Variants in OXCT1 observed in about 807,000 individuals in gnomAD.
The protein encoded by OXCT1 is succinyl-CoA:3-ketoacid coenzyme A transferase 1, mitochondrial.
Under a neutral mutation model 69.6 loss-of-function variants are expected in OXCT1, and 27 were observed. That is an observed-to-expected ratio of 0.39 (90% CI 0.29 to 0.54). The LOEUF is 0.54. Ranked by LOEUF, OXCT1 falls within the 20% of genes least tolerant of loss-of-function variation. OXCT1 has a pLI of 0.72. For missense variants in OXCT1, 437 were observed against 650.2 expected (o/e 0.67, Z 3.57); for synonymous variants, 202 against 217.8 (o/e 0.93, Z 0.64).
rs868645167 is a variant in OXCT1, at chr5:41,741,671, G to A, written c.1420-2180C>T. 7.8e-4 allele frequency among the ~76,000 whole-genome samples: 119 copies of A among 152,270 alleles called. 2 individuals carry two copies. The highest frequency in any genetic ancestry group is 1.9e-3 in the African/African-American group (79 of 41,558). The stretch of plus-strand genomic sequence containing the variant: ...TTTCCCCAGAAACACACATCGCTGG[G>A]ACCAGTGATAACTGCATTATTGGTT... On this transcript the variant is annotated intron_variant, in intron 15 of 16. Transcript: ENST00000196371.
At chr5:41,766,568 CA>C (rs35725846) in intron 13 of OXCT1, among the ~76,000 whole-genome samples, 3,532 of 119,952 alleles carry the variant, frequency 0.029, 108 homozygotes, top group African/African-American at 0.091. Context: ...CATTGTACTC[CA>C]AAAAAAAAAA....
chr5:41,822,942 G>A (rs942632446), intron 7 of OXCT1, among the ~76,000 whole-genome samples: 2 of 151,968 alleles, frequency 1.3e-5, no homozygotes, highest in African/African-American at 2.4e-5. Flanking sequence ...TTATTTAGTC[G>A]GATTAATATC....
intron 13 of OXCT1, among the ~76,000 whole-genome samples, chr5:41,766,777 A>G (rs1018605405): frequency 6.6e-6 from 1 of 152,154 alleles, no homozygotes; most frequent in Non-Finnish European, 1.5e-5. Context: ...TCATTTCCAG[A>G]TGTTACCTCT....
At chr5:41,769,292 A>G (rs1744767296) in intron 13 of OXCT1, among the ~76,000 whole-genome samples, 1 of 152,084 alleles carries the variant, frequency 6.6e-6, no homozygotes, top group Non-Finnish European at 1.5e-5. Flanking sequence ...AAAATTTAAT[A>G]ATTAAAAACA....
chr5:41,865,282 ATT>A (rs1000928033), intron 1 of OXCT1, among the ~76,000 whole-genome samples: 1 of 152,110 alleles, frequency 6.6e-6, no homozygotes, highest in Non-Finnish European at 1.5e-5. Flanking sequence ...CAAGAATTCT[ATT>A]TTTTTGTTTC....
At chr5:41,816,042 C>T (rs1747226649) in intron 7 of OXCT1, among the ~76,000 whole-genome samples, 1 of 152,156 alleles carries the variant, frequency 6.6e-6, no homozygotes, top group African/African-American at 2.4e-5. Context: ...ATTTCCAGAA[C>T]ACAGTTAATG....
At chr5:41,807,907 T>C (rs2112281216) in intron 7 of OXCT1, among the ~76,000 whole-genome samples, 1 of 152,204 alleles carries the variant, frequency 6.6e-6, no homozygotes, top group East Asian at 1.9e-4. Context: ...ACAAATGCTA[T>C]TTGTAACAGT....
chr5:41,868,732 AAAAC>A (rs1261406786), intron 1 of OXCT1, among the ~76,000 whole-genome samples: 1 of 152,118 alleles, frequency 6.6e-6, no homozygotes, highest in African/African-American at 2.4e-5. Context: ...CAAAAAAAAA[AAAAC>A]AATAAGGGCA....
intron 13 of OXCT1, among the ~76,000 whole-genome samples, chr5:41,789,953 C>T (rs1745833251): frequency 6.6e-6 from 1 of 152,142 alleles, no homozygotes; most frequent in Non-Finnish European, 1.5e-5. Context: ...AGAACCCAAT[C>T]AATTTTATGT....
At position 41,753,308 on chromosome 5, in the gene OXCT1, T is replaced by C. The variant is rs797000022; in HGVS notation, c.1339-3701A>G. On this transcript the variant is annotated intron_variant, in intron 14 of 16. Coordinates refer to ENST00000196371, the MANE Select transcript of OXCT1 (RefSeq NM_000436.4). ...ACACACATAGACACACACACACACA[T>C]AGACACACACACACACACACACACA... 4.1e-3 allele frequency among the ~76,000 whole-genome samples: 371 copies of C among 91,436 alleles called. 1 individual carries two copies. The highest frequency in any genetic ancestry group is 0.013 in the African/African-American group (309 of 23,604). The allele number at this position is 91,436 out of a possible 152,430, so 60.0% of individuals were successfully genotyped here.
At chr5:41,845,648 G>A (rs1748860440) in intron 5 of OXCT1, among the ~76,000 whole-genome samples, 1 of 151,956 alleles carries the variant, frequency 6.6e-6, no homozygotes. Flanking sequence ...AAAACTACGA[G>A]TTTGAGGCAC....
Position 41,870,060 on chromosome 5 carries a change from C to A in OXCT1, c.78+221G>T, listed in dbSNP as rs1003307620. 1.2e-5 allele frequency: 7 copies of A among 585,272 alleles called. No individual in the cohort carries two copies. The highest frequency in any genetic ancestry group is 2.2e-5 in the Non-Finnish European group (7 of 324,552). 36.3% of individuals were successfully genotyped at this position (585,272 alleles called of 1,614,324 possible). A position where few individuals can be genotyped will look rare whatever the true frequency, so the allele number is the denominator to read the frequency against. On this transcript the variant is annotated intron_variant, in intron 1 of 16. Coordinates refer to ENST00000196371, the MANE Select transcript of OXCT1 (RefSeq NM_000436.4). This position sits in a 1 kb window ranked among gnomAD's most constrained non-coding sequence, Gnocchi z 4.2. ...GCGCGCTTCTTTATCGCGTCTCGCT[C>A]CATCAGGGAAGCGACTGCAGAACCA...
chr5:41,850,125 T>A lies in OXCT1; in HGVS notation c.469A>T (p.Thr157Ser), dbSNP rs749440516. The A allele has an allele frequency of 6.2e-7, 1 of 1,613,820 alleles. No homozygotes were observed. Among genetic ancestry groups the A allele is most frequent in the East Asian group, 2.2e-5 (1 of 44,868 alleles). The change falls in exon 5 of 17, where the codon ACC (threonine) becomes TCC (serine). Residue 157 changes from threonine (T) to serine (S), a missense_variant. This residue lies in a region of OXCT1 where 252 missense variants were observed against 397.4 expected (regional missense o/e 0.63). Transcript: ENST00000196371. ...AGGAGVPAFY[T>S]PTGYGTLVQE... The stretch of plus-strand genomic sequence containing the variant: ...ACCAGGGTCCCATACCCTGTTGGGG[T>A]GTAAAATGCAGGAACTCCAGCCCCG...
intron 9 of OXCT1, 82 bp from the exon 10 acceptor site, chr5:41,803,245 C>G: frequency 1.1e-6 from 1 of 903,294 alleles, no homozygotes; most frequent in Non-Finnish European, 1.8e-6. Flanking sequence ...CAGATCTGAA[C>G]AGAAGCTTTA....
At chr5:41,830,272 G>A (rs2112361501) in intron 7 of OXCT1, among the ~76,000 whole-genome samples, 1 of 152,322 alleles carries the variant, frequency 6.6e-6, no homozygotes, top group South Asian at 2.1e-4. Flanking sequence ...TCTGCCGAAG[G>A]ACTAAGGATT....
rs2112104866 is a variant in OXCT1, at chr5:41,762,965, G to A, written c.1249-765C>T. On this transcript the variant is annotated intron_variant, in intron 13 of 16. Coordinates refer to ENST00000196371, the MANE Select transcript of OXCT1 (RefSeq NM_000436.4). The surrounding 1 kb of genome is among the most constrained non-coding windows in gnomAD (Gnocchi z 4.0). ...GGAAAAAGCAAGTGTTTCCAGAGATGATAAAATGATTCTTACTCAAGTATA... is the reference window on the plus strand; with the variant it reads ...GGAAAAAGCAAGTGTTTCCAGAGATAATAAAATGATTCTTACTCAAGTATA... Among the ~76,000 whole-genome samples, 1 of 152,112 alleles carries A rather than the reference G, an allele frequency of 6.6e-6. No individual in the cohort carries two copies. Among genetic ancestry groups the A allele is most frequent in the South Asian group, 2.1e-4 (1 of 4,818 alleles).
chr5:41,732,618 G>A (rs1742689577), intron 16 of OXCT1, among the ~76,000 whole-genome samples: 1 of 151,992 alleles, frequency 6.6e-6, no homozygotes, highest in Admixed American at 6.6e-5. Context: ...CCAAAAATTG[G>A]GTGCTTTTTG....
intron 3 of OXCT1, among the ~76,000 whole-genome samples, chr5:41,859,368 G>A (rs1749611905): frequency 6.6e-6 from 1 of 152,154 alleles, no homozygotes; most frequent in Non-Finnish European, 1.5e-5. Flanking sequence ...ATATCTGCTA[G>A]TTTTGCTGTC....
intron 16 of OXCT1, among the ~76,000 whole-genome samples, chr5:41,738,780 T>C (rs1743014788): frequency 6.6e-6 from 1 of 152,212 alleles, no homozygotes; most frequent in South Asian, 2.1e-4. Flanking sequence ...TCAGTAATAT[T>C]CTGTTTTAAA....
Sources: allele counts gnomAD v4.1 joint callset (sites outside exome capture counted in the v4.1 genomes callset), GRCh38; gene constraint gnomAD v4.1.1; regional missense constraint gnomAD v4.1.1; non-coding constraint Gnocchi (gnomAD v3.1); transcripts MANE v1.5; gene names NCBI Gene and HGNC (gene_info 2026-07-23, HGNC 2026-07-21).